VPS26C: variants seen among roughly 807,000 people sequenced by gnomAD.
VPS26C encodes the protein VPS26 endosomal protein sorting factor C.
In VPS26C, 19 loss-of-function variants were observed where a neutral mutation model predicts 30.6. The ratio of observed to expected loss-of-function variants is 0.62; its 90% CI spans 0.43 to 0.91. VPS26C has a LOEUF of 0.91. Ranked by LOEUF, VPS26C falls within the 40% of genes least tolerant of loss-of-function variation. The pLI, the probability that VPS26C is intolerant of heterozygous loss-of-function variation, is 0.00. For synonymous variants in VPS26C, 132 were observed against 151.5 expected (o/e 0.87, Z 0.95); for missense variants, 318 against 385.1 (o/e 0.83, Z 1.46).
At chr21:37,253,034 A>T (rs1046718587) in intron 1 of VPS26C, among the ~76,000 whole-genome samples, 3 of 152,226 alleles carry the variant, frequency 2.0e-5, no homozygotes, top group Admixed American at 1.3e-4. Flanking sequence ...ACCTGTTTTT[A>T]AAAAACACAG....
At chr21:37,228,685 G>A (rs2085930689) in intron 5 of VPS26C, 1 of 226,424 alleles carries the variant, frequency 4.4e-6, no homozygotes, top group Non-Finnish European at 8.9e-6. Flanking sequence ...ACATGAAAAA[G>A]TCTGAGGGAG....
intron 1 of VPS26C, among the ~76,000 whole-genome samples, chr21:37,249,176 C>T (rs973140563): frequency 7.9e-5 from 12 of 152,260 alleles, no homozygotes; most frequent in African/African-American, 2.9e-4. Context: ...AGAAGGATGT[C>T]CACTATCACC....
rs975864111 is a variant in VPS26C, at chr21:37,228,279, C to G, written c.602G>C (p.Ser201Thr). Residue 201 changes from serine (S) to threonine (T), a missense_variant, in exon 6 of 8, where the codon AGC (serine) becomes ACC (threonine). Coordinates refer to ENST00000309117, the MANE Select transcript of VPS26C (RefSeq NM_006052.2). ...CACGCTTCTGATGGCGGCTTCCGAGCTCTCCACCACCAGCTCTCCCGTTAG... is the reference window on the plus strand; with the variant it reads ...CACGCTTCTGATGGCGGCTTCCGAGGTCTCCACCACCAGCTCTCCCGTTAG... ...QPLTGELVVESSEAAIRSVEL... is the reference protein window; with the variant it reads ...QPLTGELVVETSEAAIRSVEL... 3.1e-6 allele frequency: 5 copies of G among 1,607,920 alleles called. No homozygotes were observed. The highest frequency in any genetic ancestry group is 8.5e-7 in the Non-Finnish European group (1 of 1,177,394).
Position 37,232,372 on chromosome 21 carries a change from C to T in VPS26C, c.507+5G>A. ...CACGGCATTCGCCTGTGCAGGACGT[C>T]TTACCTCTTTGACGTTCTGTAAGGT... On this transcript the variant is annotated splice_donor_5th_base_variant and intron_variant, in intron 5 of 7. Transcript: ENST00000309117. 24 of 1,613,860 alleles carry T rather than the reference C, an allele frequency of 1.5e-5. No individual in the cohort carries two copies. The highest frequency in any genetic ancestry group is 1.9e-5 in the Non-Finnish European group (23 of 1,179,826).
intron 4 of VPS26C, among the ~76,000 whole-genome samples, chr21:37,232,869 C>T (rs1319527843): frequency 2.0e-5 from 3 of 152,178 alleles, no homozygotes; most frequent in Non-Finnish European, 2.9e-5. Flanking sequence ...AGTGGTGGAG[C>T]TGGGGGGCTG....
intron 7 of VPS26C, chr21:37,227,294 C>T (rs1485140312): frequency 3.8e-5 from 8 of 211,692 alleles, no homozygotes; most frequent in Non-Finnish European, 4.8e-5. Flanking sequence ...CAGAGCTCAG[C>T]GTCACCTGCC....
chr21:37,228,358 T>G lies in VPS26C; in HGVS notation c.523A>C (p.Lys175Gln). 1 of 1,614,186 alleles carries G rather than the reference T, an allele frequency of 6.2e-7. No homozygotes were observed. The highest frequency in any genetic ancestry group is 8.5e-7 in the Non-Finnish European group (1 of 1,180,040). Residue 175 changes from lysine (K) to glutamine (Q), a missense_variant, in exon 6 of 8, where the codon AAA (lysine) becomes CAA (glutamine). Lys to Gln is a moderately conservative substitution (Grantham distance 53). Transcript: ENST00000309117. ...TTGAGATGTCCTCGAAGGAGAAATT[T>G]GGGAAGCAAAGCTCTCTAAAACAAA... ...QNVKERALLP[K>Q]FLLRGHLNST... is the part of the protein sequence containing the mutation.
rs192123125 is a variant in VPS26C, at chr21:37,236,740, G to T, written c.351+1720C>A. Among the ~76,000 whole-genome samples the T allele has an allele frequency of 4.6e-5, 7 of 152,294 alleles. No homozygotes were observed. In the East Asian group the frequency reaches 1.3e-3, roughly 29 times the overall value. ...AGAAATCTCTTCATTGTTAGAAATC[G>T]GTGAGATAGTTGGGGAGGTACTGAA... On this transcript the variant is annotated intron_variant, in intron 3 of 7. Coordinates refer to ENST00000309117, the MANE Select transcript of VPS26C (RefSeq NM_006052.2).
At chr21:37,237,120 G>A (rs1036155111) in intron 3 of VPS26C, among the ~76,000 whole-genome samples, 4 of 152,066 alleles carry the variant, frequency 2.6e-5, no homozygotes, top group Non-Finnish European at 5.9e-5. Context: ...CATCTGTCTT[G>A]GCAACATGTG....
chr21:37,260,733 T>C (rs900534091), intron 1 of VPS26C, among the ~76,000 whole-genome samples: 4 of 152,186 alleles, frequency 2.6e-5, no homozygotes, highest in African/African-American at 9.7e-5. Flanking sequence ...TTATAGGAAT[T>C]CTGGAATCTC....
chr21:37,250,286 T>C (rs924895237), intron 1 of VPS26C, among the ~76,000 whole-genome samples: 5 of 150,732 alleles, frequency 3.3e-5, no homozygotes, highest in Non-Finnish European at 7.4e-5. Flanking sequence ...GCCTGGGTGA[T>C]AGAGTAAGAC....
intron 7 of VPS26C, 94 bp downstream of exon 7, chr21:37,227,560 C>T (rs1237807143): frequency 7.0e-6 from 10 of 1,431,854 alleles, no homozygotes; most frequent in Admixed American, 3.6e-5. Flanking sequence ...GACCGAAGGG[C>T]GGCAGGTTCT....
intron 2 of VPS26C, among the ~76,000 whole-genome samples, chr21:37,239,143 G>C (rs2086056876): frequency 6.6e-6 from 1 of 152,208 alleles, no homozygotes; most frequent in South Asian, 2.1e-4. Flanking sequence ...CCTCCAAGGA[G>C]GAGCAGGAGG....
At chr21:37,259,885 G>A (rs1434468171) in intron 1 of VPS26C, among the ~76,000 whole-genome samples, 1 of 152,148 alleles carries the variant, frequency 6.6e-6, no homozygotes, top group Non-Finnish European at 1.5e-5. Context: ...AATTCTAAGG[G>A]TGAACAGACT....
chr21:37,259,957 T>C (rs138999020), intron 1 of VPS26C, among the ~76,000 whole-genome samples: 109 of 152,306 alleles, frequency 7.2e-4, no homozygotes, highest in Non-Finnish European at 5.7e-4. Flanking sequence ...CACGAGGTGT[T>C]GGAAGCTAGG....
At chr21:37,234,198 T>C (rs983211511) in intron 3 of VPS26C, among the ~76,000 whole-genome samples, 2 of 152,248 alleles carry the variant, frequency 1.3e-5, no homozygotes, top group South Asian at 4.1e-4. Context: ...GGTCAACTCA[T>C]GGCTAATCTT....
At chr21:37,248,159 A>G (rs1229935893) in intron 1 of VPS26C, among the ~76,000 whole-genome samples, 1 of 152,180 alleles carries the variant, frequency 6.6e-6, no homozygotes, top group East Asian at 1.9e-4. Context: ...AATAGAGTAG[A>G]CAGAAAGAAA....
intron 5 of VPS26C, among the ~76,000 whole-genome samples, chr21:37,230,985 C>T (rs2085956375): frequency 6.6e-6 from 1 of 152,202 alleles, no homozygotes; most frequent in Admixed American, 6.5e-5. Flanking sequence ...ATGCAGACAG[C>T]GAGCCTCTGG....
At chr21:37,231,512 C>G (rs2085963666) in intron 5 of VPS26C, 1 of 152,304 alleles carries the variant, frequency 6.6e-6, no homozygotes, top group South Asian at 2.1e-4. Context: ...AGGCTCCCCA[C>G]GACACATGTC....
Sources: allele counts gnomAD v4.1 joint callset (sites outside exome capture counted in the v4.1 genomes callset), GRCh38; gene constraint gnomAD v4.1.1; transcripts MANE v1.5; gene names NCBI Gene and HGNC (gene_info 2026-07-23, HGNC 2026-07-21).